SMYD3: variants seen among roughly 807,000 people sequenced by gnomAD.
SMYD3 encodes SET and MYND domain containing 3, also known as histone-lysine N-methyltransferase SMYD3.
A neutral mutation model predicts 57.7 loss-of-function variants in SMYD3; 36 were observed. The observed-to-expected ratio is 0.62, with a 90% CI of 0.48 to 0.82. The LOEUF is 0.82. SMYD3 is among the 40% of genes least tolerant of loss of function. SMYD3 has a pLI of 0.00. For synonymous variants in SMYD3, 211 were observed against 195.0 expected (o/e 1.08, Z -0.68); for missense variants, 515 against 538.8 (o/e 0.96, Z 0.44).
At chr1:245,928,110 A>C (rs182731807) in intron 6 of SMYD3, 77 bp from the exon 7 acceptor site, 72 of 1,147,312 alleles carry the variant, frequency 6.3e-5, no homozygotes, top group Non-Finnish European at 8.3e-5. Flanking sequence ...CAGTGGGTAA[A>C]ATACACCTTC....
Position 246,246,494 on chromosome 1 carries a change from A to C in SMYD3, c.531+80707T>G, listed in dbSNP as rs535996933. The stretch of plus-strand genomic sequence containing the variant: ...AAAATGAAGTCATTATCATAAGTGG[A>C]GTATATTATTTCAAGTGAGTAAAAC... On this transcript the variant is annotated intron_variant, in intron 5 of 11. Coordinates refer to ENST00000490107, the MANE Select transcript of SMYD3 (RefSeq NM_001167740.2). Among the ~76,000 whole-genome samples the C allele has an allele frequency of 4.6e-5, 7 of 152,304 alleles. 1 individual carries two copies. Among genetic ancestry groups the C allele is most frequent in the African/African-American group, 1.7e-4 (7 of 41,576 alleles).
At chr1:246,478,636 T>C (rs4654267) in intron 1 of SMYD3, among the ~76,000 whole-genome samples, 600 of 16,880 alleles carry the variant, frequency 0.036, 66 homozygotes, top group East Asian at 0.11. Context: ...CTCATATATG[T>C]ACATCTGTCC....
chr1:246,481,615 CATATAT>C (rs1342398430), intron 1 of SMYD3, among the ~76,000 whole-genome samples: 2 of 38,732 alleles, frequency 5.2e-5, no homozygotes, highest in East Asian at 9.4e-4. Context: ...TATACACATA[CATATAT>C]ACATACATAC....
At chr1:246,377,798 T>G (rs1415114368) in intron 1 of SMYD3, among the ~76,000 whole-genome samples, 32 of 152,230 alleles carry the variant, frequency 2.1e-4, no homozygotes. Context: ...GAAGTAAAAC[T>G]GCTGAGTTGC....
intron 6 of SMYD3, 75 bp from the exon 7 acceptor site, chr1:245,928,108 A>G: frequency 8.6e-7 from 1 of 1,157,204 alleles, no homozygotes; most frequent in Non-Finnish European, 1.3e-6. Context: ...TGCAGTGGGT[A>G]AAATACACCT....
rs1572413980 is a variant in SMYD3 at position 246,355,333 on chromosome 1, A to G, written c.165-239T>C. On this transcript the variant is annotated intron_variant, in intron 1 of 11. Transcript: ENST00000490107. The surrounding 1 kb of genome is among the most constrained non-coding windows in gnomAD (Gnocchi z 5.0). The stretch of plus-strand genomic sequence containing the variant: ...CAGAAGATGGCGGGGAAGAGGCAGG[A>G]CCAGCTTGCAGCTCCCGATCGGACA... 2.0e-6 allele frequency: 1 copy of G among 497,508 alleles called. No individual in the cohort carries two copies. The highest frequency in any genetic ancestry group is 2.0e-5 in the African/African-American group (1 of 50,932). The allele number at this position is 497,508 out of a possible 1,614,324, so 30.8% of individuals were successfully genotyped here. A position where few individuals can be genotyped will look rare whatever the true frequency, so the allele number is the denominator to read the frequency against.
intron 10 of SMYD3, among the ~76,000 whole-genome samples, chr1:245,793,184 C>A (rs1238417429): frequency 6.6e-6 from 1 of 150,912 alleles, no homozygotes; most frequent in Non-Finnish European, 1.5e-5. Context: ...TGGCGGGTGC[C>A]TGTAGTCCCA....
intron 5 of SMYD3, chr1:246,052,425 A>G (rs1259890549): frequency 6.6e-6 from 1 of 152,202 alleles, no homozygotes; most frequent in African/African-American, 2.4e-5. Context: ...GATAGATAAC[A>G]GGAAAAAAAA....
rs1558313021 is a variant in SMYD3 at position 246,202,826 on chromosome 1, C to A, written c.531+124375G>T. Among the ~76,000 whole-genome samples the A allele has an allele frequency of 6.6e-6, 1 of 152,186 alleles. No homozygotes were observed. Among genetic ancestry groups the A allele is most frequent in the Non-Finnish European group, 1.5e-5 (1 of 68,032 alleles). On this transcript the variant is annotated intron_variant, in intron 5 of 11. Coordinates refer to ENST00000490107, the MANE Select transcript of SMYD3 (RefSeq NM_001167740.2). The surrounding 1 kb of genome is among the most constrained non-coding windows in gnomAD (Gnocchi z 4.1). ...ACCCAATCACTCCTCCACCTCTTCG[C>A]CCAGAAAATAAAGTCTGGAGGCTGG... is the stretch of plus-strand genomic sequence containing the variant.
At chr1:245,819,091 A>AT (rs2049014380) in intron 10 of SMYD3, among the ~76,000 whole-genome samples, 1 of 137,904 alleles carries the variant, frequency 7.3e-6, no homozygotes, top group South Asian at 2.6e-4. Context: ...CAGAATATAC[A>AT]TTTTTTTCAG....
intron 5 of SMYD3, among the ~76,000 whole-genome samples, chr1:245,950,138 G>A (rs751501651): frequency 2.6e-4 from 39 of 152,094 alleles, no homozygotes; most frequent in Non-Finnish European, 5.0e-4. Flanking sequence ...TCCAGCAACA[G>A]GTTCCAAAGA....
intron 10 of SMYD3, among the ~76,000 whole-genome samples, chr1:245,827,409 C>T (rs894051934): frequency 6.6e-6 from 1 of 152,182 alleles, no homozygotes; most frequent in Non-Finnish European, 1.5e-5. Context: ...ACTCACGATG[C>T]CTGGCCCAGG....
chr1:246,328,654 G>T (rs544471312), intron 4 of SMYD3, among the ~76,000 whole-genome samples: 100 of 149,108 alleles, frequency 6.7e-4, no homozygotes, highest in African/African-American at 1.8e-3. Flanking sequence ...ATTTTTTTTT[G>T]ATGGTAAATA....
intron 4 of SMYD3, among the ~76,000 whole-genome samples, chr1:246,329,037 T>C (rs2065412028): frequency 6.6e-6 from 1 of 152,210 alleles, no homozygotes; most frequent in Non-Finnish European, 1.5e-5. Context: ...TTTTTATGGA[T>C]GCATAGTATT....
intron 5 of SMYD3, among the ~76,000 whole-genome samples, chr1:246,103,225 G>GC (rs898875567): frequency 6.6e-6 from 1 of 152,036 alleles, no homozygotes; most frequent in African/African-American, 2.4e-5. Context: ...AATACAGAAG[G>GC]CCCCATCACA....
At chr1:246,145,177 C>G (rs942939688) in intron 5 of SMYD3, among the ~76,000 whole-genome samples, 1 of 152,126 alleles carries the variant, frequency 6.6e-6, no homozygotes, top group African/African-American at 2.4e-5. Context: ...ACATGCCTGG[C>G]TCAGATGCAA....
chr1:246,091,058 TC>T (rs2060815229), intron 5 of SMYD3, among the ~76,000 whole-genome samples: 1 of 152,092 alleles, frequency 6.6e-6, no homozygotes, highest in Non-Finnish European at 1.5e-5. Flanking sequence ...TAGAACCATA[TC>T]AAATCAGTAA....
chr1:246,337,847 C>T (rs955439628), intron 2 of SMYD3, among the ~76,000 whole-genome samples: 1 of 152,138 alleles, frequency 6.6e-6, no homozygotes, highest in Non-Finnish European at 1.5e-5. Flanking sequence ...GAGATAAGTA[C>T]AAAACGTACA....
chr1:246,039,364 T>G (rs2059830137), intron 5 of SMYD3, among the ~76,000 whole-genome samples: 1 of 152,208 alleles, frequency 6.6e-6, no homozygotes, highest in South Asian at 2.1e-4. Flanking sequence ...TATGCAGATA[T>G]GCACCCACCA....
Sources: allele counts gnomAD v4.1 joint callset (sites outside exome capture counted in the v4.1 genomes callset), GRCh38; gene constraint gnomAD v4.1.1; non-coding constraint Gnocchi (gnomAD v3.1); transcripts MANE v1.5; gene names NCBI Gene and HGNC (gene_info 2026-07-23, HGNC 2026-07-21).